LRP1B: variants seen among roughly 807,000 people sequenced by gnomAD.
The protein encoded by LRP1B is low-density lipoprotein receptor-related protein 1B.
A neutral mutation model predicts 556.6 loss-of-function variants in LRP1B; 217 were observed. The ratio of observed to expected loss-of-function variants is 0.39; its 90% CI spans 0.35 to 0.44. The LOEUF (loss-of-function observed/expected upper bound fraction) is 0.44. LRP1B is among the 20% of genes least tolerant of loss of function. The probability of loss-of-function intolerance (pLI) is 1.00; values close to 1 mark genes in which losing one functional copy is unlikely to be tolerated. For missense variants in LRP1B, 5,053 were observed against 5,620.8 expected (o/e 0.90, Z 3.23); for synonymous variants, 2,047 against 1,865.8 (o/e 1.10, Z -2.50).
At chr2:142,116,868 A>C (rs565068622) in intron 1 of LRP1B, among the ~76,000 whole-genome samples, 1 of 152,182 alleles carries the variant, frequency 6.6e-6, no homozygotes, top group Non-Finnish European at 1.5e-5. Flanking sequence ...GTTTAGTCAC[A>C]GCTTCCCAAG....
At chr2:141,587,564 G>A (rs1183318549) in intron 2 of LRP1B, among the ~76,000 whole-genome samples, 1 of 152,148 alleles carries the variant, frequency 6.6e-6, no homozygotes, top group African/African-American at 2.4e-5. Context: ...CAATTAGGTT[G>A]TTCTGTGAAT....
chr2:141,339,936 A>C (rs1687996567), intron 3 of LRP1B, among the ~76,000 whole-genome samples: 2 of 151,414 alleles, frequency 1.3e-5, no homozygotes, highest in Admixed American at 6.6e-5. Context: ...CCCCCTCCAA[A>C]CCTCCCCACC....
intron 7 of LRP1B, among the ~76,000 whole-genome samples, chr2:141,067,335 C>A (rs1699505845): frequency 1.3e-5 from 2 of 151,880 alleles, no homozygotes; most frequent in African/African-American, 4.8e-5. Flanking sequence ...GGATAATAAA[C>A]AATTAAGCTA....
At chr2:142,035,897 G>A (rs1034504328) in intron 1 of LRP1B, among the ~76,000 whole-genome samples, 3 of 151,672 alleles carry the variant, frequency 2.0e-5, no homozygotes, top group African/African-American at 7.3e-5. Context: ...TCTTTTCCAT[G>A]CTATTCTCGT....
intron 1 of LRP1B, among the ~76,000 whole-genome samples, chr2:141,862,272 C>A (rs2105788890): frequency 6.6e-6 from 1 of 152,236 alleles, no homozygotes; most frequent in East Asian, 1.9e-4. Context: ...TTATCTGAAA[C>A]CTCATTTGGT....
intron 4 of LRP1B, among the ~76,000 whole-genome samples, chr2:141,248,747 T>C (rs1311837553): frequency 6.6e-6 from 1 of 152,186 alleles, no homozygotes; most frequent in Non-Finnish European, 1.5e-5. Flanking sequence ...GGCTACATGG[T>C]CAGCTTTGCA....
At chr2:140,533,253 A>G (rs12622792) in intron 47 of LRP1B, among the ~76,000 whole-genome samples, 69,491 of 151,846 alleles carry the variant, frequency 0.46, 16,703 homozygotes, top group South Asian at 0.59. Flanking sequence ...GTGCTAACAT[A>G]GCATACACTA....
chr2:142,006,094 G>T (rs1702791973), intron 1 of LRP1B, among the ~76,000 whole-genome samples: 1 of 151,922 alleles, frequency 6.6e-6, no homozygotes, highest in African/African-American at 2.4e-5. Flanking sequence ...CTCTTTTCCT[G>T]TCTAAATACT....
intron 5 of LRP1B, among the ~76,000 whole-genome samples, chr2:141,244,315 T>C (rs935817749): frequency 1.3e-5 from 2 of 152,208 alleles, no homozygotes; most frequent in African/African-American, 4.8e-5. Flanking sequence ...CTGGAGATCT[T>C]TTCCACATAT....
intron 1 of LRP1B, among the ~76,000 whole-genome samples, chr2:142,065,001 A>T (rs1244972930): frequency 1.1e-5 from 1 of 91,984 alleles, no homozygotes; most frequent in Non-Finnish European, 2.5e-5. Context: ...ATTAAACAAA[A>T]TAATAATTCA....
At chr2:140,427,580 AC>A (rs1423163741) in intron 66 of LRP1B, among the ~76,000 whole-genome samples, 2 of 152,080 alleles carry the variant, frequency 1.3e-5, no homozygotes, top group African/African-American at 4.8e-5. Flanking sequence ...TTTCCATCCT[AC>A]AAGATCTAAA....
At chr2:141,257,422 A>G (rs1355018102) in intron 3 of LRP1B, among the ~76,000 whole-genome samples, 1 of 152,174 alleles carries the variant, frequency 6.6e-6, no homozygotes, top group Non-Finnish European at 1.5e-5. Flanking sequence ...GTGTCAATCC[A>G]AAGTAGAAAA....
At chr2:141,358,687 C>A (rs575209366) in intron 3 of LRP1B, among the ~76,000 whole-genome samples, 1 of 152,262 alleles carries the variant, frequency 6.6e-6, no homozygotes, top group East Asian at 1.9e-4. Flanking sequence ...AGGACTTGGA[C>A]AGTGACTAGC....
rs201062120 is a variant in LRP1B at position 141,829,668 on chromosome 2, A to AT, written c.83-19268dup. ...CAGAGGGAAAGTCTGAACACCTCGT[A>AT]TTTTTTTTCAGTGGCTTTATCTGTT... On this transcript the variant is annotated intron_variant, in intron 1 of 90. Coordinates refer to ENST00000389484, the MANE Select transcript of LRP1B (RefSeq NM_018557.3). Among the ~76,000 whole-genome samples, 105 of 151,814 alleles carry AT rather than the reference A, an allele frequency of 6.9e-4. No homozygotes were observed. In the East Asian group the frequency reaches 0.012, roughly 17 times the overall value.
At chr2:141,239,320 T>C (rs555782892) in intron 5 of LRP1B, among the ~76,000 whole-genome samples, 222 of 152,082 alleles carry the variant, frequency 1.5e-3, no homozygotes, top group Non-Finnish European at 2.4e-3. Flanking sequence ...ATAAGAATAA[T>C]GTAAGATTCA....
intron 41 of LRP1B, among the ~76,000 whole-genome samples, chr2:140,608,140 T>C (rs1426897362): frequency 6.6e-6 from 1 of 152,168 alleles, no homozygotes; most frequent in African/African-American, 2.4e-5. Context: ...ATTTTCATTA[T>C]TTTGTGTTAG....
intron 1 of LRP1B, among the ~76,000 whole-genome samples, chr2:142,030,096 G>A (rs1703635371): frequency 6.6e-6 from 1 of 150,614 alleles, no homozygotes; most frequent in Non-Finnish European, 1.5e-5. Flanking sequence ...GCATTTTAAT[G>A]CATCTATATG....
intron 45 of LRP1B, among the ~76,000 whole-genome samples, chr2:140,538,797 T>C (rs186136376): frequency 4.1e-5 from 6 of 146,910 alleles, no homozygotes; most frequent in South Asian, 4.6e-4. Context: ...GTGTATATTA[T>C]TTACTGTGTA....
At chr2:140,242,876 T>TA (rs1447793680) in intron 87 of LRP1B, among the ~76,000 whole-genome samples, 1 of 151,206 alleles carries the variant, frequency 6.6e-6, no homozygotes, top group Non-Finnish European at 1.5e-5. Flanking sequence ...TTTTTCTTTT[T>TA]AAAAGGATGA....
Sources: allele counts gnomAD v4.1 joint callset (sites outside exome capture counted in the v4.1 genomes callset), GRCh38; gene constraint gnomAD v4.1.1; transcripts MANE v1.5; gene names NCBI Gene and HGNC (gene_info 2026-07-23, HGNC 2026-07-21).